CNTNAP5: variants seen among roughly 807,000 people sequenced by gnomAD.
The protein encoded by CNTNAP5 is contactin-associated protein-like 5.
A neutral mutation model predicts 150.2 loss-of-function variants in CNTNAP5; 72 were observed. The ratio of observed to expected loss-of-function variants is 0.48; its 90% CI spans 0.40 to 0.58. The LOEUF (loss-of-function observed/expected upper bound fraction) is 0.58. Among genes scored for constraint, CNTNAP5 ranks in the 20% least tolerant of loss-of-function variants. CNTNAP5 has a pLI of 0.00. For missense variants in CNTNAP5, 1,636 were observed against 1,626.2 expected, an observed-to-expected ratio of 1.01 and a Z score of -0.10; for synonymous variants, 672 against 619.8, an observed-to-expected ratio of 1.08 and a Z score of -1.25.
intron 3 of CNTNAP5, among the ~76,000 whole-genome samples, chr2:124,346,183 G>A (rs1689733328): frequency 1.3e-5 from 2 of 152,100 alleles, no homozygotes; most frequent in Non-Finnish European, 2.9e-5. Flanking sequence ...CGTTTTCTGG[G>A]CAGCAGAAAA....
chr2:124,769,862 C>T (rs1681153165), intron 16 of CNTNAP5, among the ~76,000 whole-genome samples: 1 of 152,108 alleles, frequency 6.6e-6, no homozygotes, highest in African/African-American at 2.4e-5. Context: ...ACCTTACTTC[C>T]CTCATCTGTA....
chr2:124,784,004 G>A (rs1233741056), intron 17 of CNTNAP5, among the ~76,000 whole-genome samples: 1 of 152,132 alleles, frequency 6.6e-6, no homozygotes, highest in Non-Finnish European at 1.5e-5. Flanking sequence ...GATAGTTAGT[G>A]TACTTGTTTT....
chr2:124,478,910 G>T (rs540608144), intron 7 of CNTNAP5, among the ~76,000 whole-genome samples: 28 of 152,278 alleles, frequency 1.8e-4, no homozygotes, highest in African/African-American at 6.3e-4. Flanking sequence ...CTAACCTAAC[G>T]TATGCCTCTT....
chr2:124,186,019 A>T (rs80101192), intron 1 of CNTNAP5, among the ~76,000 whole-genome samples: 1 of 152,256 alleles, frequency 6.6e-6, no homozygotes, highest in Non-Finnish European at 1.5e-5. Context: ...TATTGTATAG[A>T]GCAGCTATTC....
chr2:124,410,647 T>G (rs1193294956), intron 3 of CNTNAP5, among the ~76,000 whole-genome samples: 1 of 149,674 alleles, frequency 6.7e-6, no homozygotes, highest in Non-Finnish European at 1.5e-5. Flanking sequence ...CATAACGAAA[T>G]GAAGGCAGAA....
Position 124,108,433 on chromosome 2 carries a change from T to A in CNTNAP5, c.82+82701T>A, listed in dbSNP as rs1683216022. On this transcript the variant is annotated intron_variant, in intron 1 of 23. Transcript: ENST00000682447. The stretch of plus-strand genomic sequence containing the variant: ...AATGTTATTGCTTAGGGACCATCAA[T>A]AGAAGACGAGCAGCCCGGAAGACAC... 2.0e-5 allele frequency among the ~76,000 whole-genome samples: 3 copies of A among 152,196 alleles called. No individual in the cohort carries two copies. In the South Asian group the frequency reaches 6.2e-4, roughly 32 times the overall value.
At chr2:124,171,358 G>GT (rs1159407370) in intron 1 of CNTNAP5, among the ~76,000 whole-genome samples, 3 of 152,148 alleles carry the variant, frequency 2.0e-5, no homozygotes, top group Non-Finnish European at 4.4e-5. Flanking sequence ...CCCTTGCCTC[G>GT]TTTTTGATCA....
chr2:124,449,205 G>A (rs1692904146), intron 6 of CNTNAP5, among the ~76,000 whole-genome samples: 1 of 152,142 alleles, frequency 6.6e-6, no homozygotes, highest in African/African-American at 2.4e-5. Flanking sequence ...AAGATAACAG[G>A]TGGATATTTT....
chr2:124,454,167 A>T (rs1338499229), intron 6 of CNTNAP5, among the ~76,000 whole-genome samples: 1 of 152,210 alleles, frequency 6.6e-6, no homozygotes, highest in Non-Finnish European at 1.5e-5. Flanking sequence ...CACCTAATAC[A>T]TAAGAACTCA....
chr2:124,751,638 A>T (rs772897211), intron 14 of CNTNAP5, among the ~76,000 whole-genome samples: 4 of 152,244 alleles, frequency 2.6e-5, no homozygotes, highest in Non-Finnish European at 5.9e-5. Flanking sequence ...TTTGTTTTAG[A>T]CCACCACACC....
chr2:124,608,319 T>A (rs1677300343), intron 11 of CNTNAP5, among the ~76,000 whole-genome samples: 1 of 152,206 alleles, frequency 6.6e-6, no homozygotes, highest in African/African-American at 2.4e-5. Flanking sequence ...TATGAGACAG[T>A]AGATGTCTCC....
At chr2:124,735,779 C>T (rs188997461) in intron 13 of CNTNAP5, among the ~76,000 whole-genome samples, 1 of 152,220 alleles carries the variant, frequency 6.6e-6, no homozygotes, top group East Asian at 1.9e-4. Flanking sequence ...TTGTTAGCTA[C>T]CATTTTTTAT....
At chr2:124,359,477 T>C (rs1394415322) in intron 3 of CNTNAP5, among the ~76,000 whole-genome samples, 3 of 151,974 alleles carry the variant, frequency 2.0e-5, no homozygotes, top group Non-Finnish European at 4.4e-5. Context: ...CGGCTTTGAA[T>C]GCGTCACAGA....
At chr2:124,408,218 G>C (rs1691635874) in intron 3 of CNTNAP5, among the ~76,000 whole-genome samples, 2 of 152,216 alleles carry the variant, frequency 1.3e-5, no homozygotes, top group African/African-American at 2.4e-5. Context: ...TCTCGCACCT[G>C]GCTCGGAGGG....
At chr2:124,758,799 G>A (rs1680895614) in intron 14 of CNTNAP5, among the ~76,000 whole-genome samples, 1 of 152,044 alleles carries the variant, frequency 6.6e-6, no homozygotes, top group Non-Finnish European at 1.5e-5. Flanking sequence ...AATTGAAGGA[G>A]AAAGTGCCCT....
At chr2:124,705,913 G>A (rs1236003008) in intron 13 of CNTNAP5, among the ~76,000 whole-genome samples, 1 of 147,726 alleles carries the variant, frequency 6.8e-6, no homozygotes, top group African/African-American at 2.4e-5. Context: ...CTTGTGTGAT[G>A]TTTAGTTTGA....
intron 3 of CNTNAP5, among the ~76,000 whole-genome samples, chr2:124,353,286 C>CA (rs565907115): frequency 4.7e-3 from 417 of 88,190 alleles, no homozygotes; most frequent in East Asian, 0.01. Flanking sequence ...AAAAACAGAC[C>CA]AAAAAAAAAA....
intron 6 of CNTNAP5, among the ~76,000 whole-genome samples, chr2:124,463,399 G>A (rs190462877): frequency 5.3e-5 from 8 of 152,294 alleles, no homozygotes; most frequent in East Asian, 1.9e-4. Flanking sequence ...TTTAAGCCAG[G>A]AGCAATAAGG....
At chr2:124,861,876 C>A (rs955329704) in intron 19 of CNTNAP5, among the ~76,000 whole-genome samples, 4 of 152,152 alleles carry the variant, frequency 2.6e-5, no homozygotes, top group Non-Finnish European at 4.4e-5. Flanking sequence ...TGCAGTGGCA[C>A]AATCTCCACT....
Sources: gnomAD v4.1 joint callset for allele counts (sites outside exome capture counted in the v4.1 genomes callset) on GRCh38, gnomAD v4.1.1 for gene constraint, MANE v1.5 for transcripts, NCBI Gene and HGNC (gene_info 2026-07-23, HGNC 2026-07-21) for gene names.